AGBL1: variants seen among roughly 807,000 people sequenced by gnomAD.
AGBL1 encodes cytosolic carboxypeptidase 4.
Under a neutral mutation model 118.9 loss-of-function variants are expected in AGBL1, and 130 were observed. The ratio of observed to expected loss-of-function variants is 1.09; its 90% confidence interval spans 0.95 to 1.26. The LOEUF (loss-of-function observed/expected upper bound fraction) is 1.26, where lower values mean the gene tolerates loss of function less well. Among genes scored for constraint, AGBL1 ranks in the 50% most tolerant of loss-of-function variants. AGBL1 has a pLI of 0.00. For synonymous variants in AGBL1, 555 were observed against 478.9 expected, an observed-to-expected ratio of 1.16 and a Z score of -2.08; for missense variants, 1,584 against 1,298.1, an observed-to-expected ratio of 1.22 and a Z score of -3.38.
chr15:86,410,807 GATATATATATATATATAT>G lies in AGBL1; in HGVS notation c.2555+13279_2555+13296del, dbSNP rs36127489. Among the ~76,000 whole-genome samples the G allele has an allele frequency of 1.5e-4, 6 of 40,362 alleles. 1 individual carries two copies. The highest frequency in any genetic ancestry group is 1.7e-4 in the Non-Finnish European group (4 of 23,340). 26.5% of individuals were successfully genotyped at this position (40,362 alleles called of 152,430 possible). ...AGAGGAAGAGACAAGGTCAAATGTA[GATATATATATATATATAT>G]ATATATATATATATATAATATACTA... On this transcript the variant is annotated intron_variant, in intron 18 of 22. Coordinates refer to ENST00000614907, the MANE Select transcript of AGBL1 (RefSeq NM_001386094.1).
chr15:87,030,254 G>A (rs1204161416), downstream of AGBL1, among the ~76,000 whole-genome samples: 3 of 151,904 alleles, frequency 2.0e-5, no homozygotes, highest in African/African-American at 7.2e-5. Flanking sequence ...ACAAGGTTAA[G>A]AGAAGAGATT....
intron 23 of AGBL1, among the ~76,000 whole-genome samples, chr15:86,972,859 G>T (rs944976377): frequency 6.6e-6 from 1 of 151,644 alleles, no homozygotes; most frequent in African/African-American, 2.4e-5. Context: ...ATTTTTCTGA[G>T]TTTTTTTTCT....
intron 22 of AGBL1, among the ~76,000 whole-genome samples, chr15:86,729,876 T>A (rs1262203076): frequency 6.6e-6 from 1 of 152,210 alleles, no homozygotes. Context: ...TCAACTAATT[T>A]ACATTCCCAC....
chr15:87,024,968 A>G (rs1005930445), intron 24 of AGBL1, among the ~76,000 whole-genome samples: 6 of 151,962 alleles, frequency 3.9e-5, no homozygotes, highest in African/African-American at 1.4e-4. Flanking sequence ...TCGACATACA[A>G]GGGACATACC....
At chr15:86,944,661 C>A (rs2080794997) in intron 23 of AGBL1, among the ~76,000 whole-genome samples, 2 of 152,172 alleles carry the variant, frequency 1.3e-5, no homozygotes, top group Non-Finnish European at 2.9e-5. Flanking sequence ...CATAAGTAAT[C>A]TGCATATTTT....
intron 15 of AGBL1, among the ~76,000 whole-genome samples, chr15:86,279,012 A>C (rs139578838): frequency 6.6e-6 from 1 of 152,372 alleles, no homozygotes; most frequent in African/African-American, 2.4e-5. Flanking sequence ...TTGCAGCCAG[A>C]GAGATCTGGG....
chr15:86,791,191 G>C (rs763555973), intron 22 of AGBL1, among the ~76,000 whole-genome samples: 3 of 152,110 alleles, frequency 2.0e-5, no homozygotes, highest in Non-Finnish European at 4.4e-5. Context: ...TGGATGACCT[G>C]GTCACTTTAG....
intron 19 of AGBL1, among the ~76,000 whole-genome samples, chr15:86,538,605 C>G (rs1014512317): frequency 6.6e-6 from 1 of 152,212 alleles, no homozygotes; most frequent in African/African-American, 2.4e-5. Context: ...TTTAATTGGA[C>G]ACATTGCTGT....
At position 86,617,610 on chromosome 15, in the gene AGBL1, A is replaced by C. The variant is rs180773799; in HGVS notation, c.2995-56663A>C. Among the ~76,000 whole-genome samples, 8 of 152,298 alleles carry C rather than the reference A, an allele frequency of 5.3e-5. No homozygotes were observed. In the East Asian group the frequency reaches 1.5e-3, roughly 29 times the overall value. On this transcript the variant is annotated intron_variant, in intron 21 of 22. Transcript: ENST00000614907. ...ATGGTATTGTCAAAACTGTGATCAT[A>C]GGTATATTTTTTATTTTTAAATTAA... is the stretch of plus-strand genomic sequence containing the variant.
At chr15:86,497,557 C>T (rs1280597856) in intron 18 of AGBL1, among the ~76,000 whole-genome samples, 1 of 151,916 alleles carries the variant, frequency 6.6e-6, no homozygotes, top group Admixed American at 6.6e-5. Flanking sequence ...TATGGGACCT[C>T]ACCCTTCCCT....
At chr15:86,526,562 A>G (rs1474100420) in intron 19 of AGBL1, among the ~76,000 whole-genome samples, 9 of 138,366 alleles carry the variant, frequency 6.5e-5, no homozygotes, top group African/African-American at 2.2e-4. Flanking sequence ...ATATATATAT[A>G]TATATATATA....
chr15:86,897,615 C>T (rs2080146619), intron 22 of AGBL1, among the ~76,000 whole-genome samples: 1 of 151,816 alleles, frequency 6.6e-6, no homozygotes, highest in Non-Finnish European at 1.5e-5. Flanking sequence ...TTTATGTAAA[C>T]TTCACAACTC....
intron 21 of AGBL1, among the ~76,000 whole-genome samples, chr15:86,634,895 G>T (rs994854229): frequency 6.7e-6 from 1 of 148,966 alleles, no homozygotes; most frequent in East Asian, 2.0e-4. Context: ...ATCTCTAAAA[G>T]ACATTTTTTT....
At chr15:86,431,997 T>A (rs928362357) in intron 18 of AGBL1, among the ~76,000 whole-genome samples, 3 of 152,132 alleles carry the variant, frequency 2.0e-5, no homozygotes, top group Admixed American at 2.0e-4. Flanking sequence ...ATCCAGGGAC[T>A]CACCTGTTAT....
chr15:86,211,741 G>T (rs1029846755), intron 5 of AGBL1, among the ~76,000 whole-genome samples: 1 of 152,162 alleles, frequency 6.6e-6, no homozygotes, highest in African/African-American at 2.4e-5. Flanking sequence ...CAGGTACAGG[G>T]CATCACGGCT....
intron 24 of AGBL1, among the ~76,000 whole-genome samples, chr15:87,011,242 A>C (rs1184419153): frequency 3.3e-5 from 5 of 152,194 alleles, no homozygotes; most frequent in Admixed American, 2.6e-4. Context: ...AGACTACCAC[A>C]TGGGAGGAGC....
At chr15:86,548,744 A>G (rs1308075384) in intron 20 of AGBL1, among the ~76,000 whole-genome samples, 1 of 151,956 alleles carries the variant, frequency 6.6e-6, no homozygotes, top group Non-Finnish European at 1.5e-5. Flanking sequence ...AGCCACAGAA[A>G]AGCTAAGATA....
intron 24 of AGBL1, among the ~76,000 whole-genome samples, chr15:87,003,510 T>C (rs1270987500): frequency 1.3e-5 from 2 of 152,174 alleles, no homozygotes; most frequent in Non-Finnish European, 2.9e-5. Context: ...TTAGGGAGAA[T>C]TCCCTCTTTT....
chr15:86,448,098 T>G (rs1234329342), intron 18 of AGBL1, among the ~76,000 whole-genome samples: 1 of 152,066 alleles, frequency 6.6e-6, no homozygotes, highest in African/African-American at 2.4e-5. Context: ...TGAGCTGAGA[T>G]CACGCCACTG....
Sources: allele counts gnomAD v4.1 joint callset (sites outside exome capture counted in the v4.1 genomes callset), GRCh38; gene constraint gnomAD v4.1.1; transcripts MANE v1.5; gene names NCBI Gene and HGNC (gene_info 2026-07-23, HGNC 2026-07-21).